The following SNX6 variants were observed in gnomAD, a reference collection of about 807,000 sequenced individuals.
SNX6 encodes sorting nexin 6.
A neutral mutation model predicts 63.0 loss-of-function variants in SNX6; 34 were observed. That is an observed-to-expected ratio of 0.54 (90% CI 0.41 to 0.72). The LOEUF is 0.72. SNX6 is among the 30% of genes least tolerant of loss of function. The pLI is 0.00. For synonymous variants in SNX6, 170 were observed against 164.2 expected, an observed-to-expected ratio of 1.04 and a Z score of -0.27; for missense variants, 398 against 471.4, an observed-to-expected ratio of 0.84 and a Z score of 1.44.
chr14:34,629,135 T>C (rs1408381227), intron 2 of SNX6, among the ~76,000 whole-genome samples: 2 of 141,560 alleles, frequency 1.4e-5, no homozygotes, highest in Non-Finnish European at 1.6e-5. Context: ...TCAAATGTTC[T>C]CACACAAAAA....
At chr14:34,593,243 G>T in intron 7 of SNX6, 93 bp from the exon 8 acceptor site, 1 of 738,986 alleles carries the variant, frequency 1.4e-6, no homozygotes. Context: ...AAGATCATCA[G>T]TAAAATAGCA....
intron 2 of SNX6, among the ~76,000 whole-genome samples, chr14:34,629,087 G>A (rs978707338): frequency 1.3e-5 from 2 of 151,528 alleles, no homozygotes; most frequent in Non-Finnish European, 2.9e-5. Flanking sequence ...GAGCGTCGAT[G>A]TTGGTCAAAG....
At chr14:34,589,778 T>C (rs1274827053) in intron 8 of SNX6, among the ~76,000 whole-genome samples, 1 of 151,642 alleles carries the variant, frequency 6.6e-6, no homozygotes, top group Non-Finnish European at 1.5e-5. Flanking sequence ...TGAGCCAAGA[T>C]TGTGCCACTG....
At chr14:34,598,983 G>A (rs1282708179) in intron 6 of SNX6, among the ~76,000 whole-genome samples, 4 of 152,102 alleles carry the variant, frequency 2.6e-5, no homozygotes, top group South Asian at 2.1e-4. Context: ...AGAGGCTGAG[G>A]GAATGTTACC....
intron 2 of SNX6, among the ~76,000 whole-genome samples, chr14:34,611,777 G>A (rs1222860316): frequency 7.0e-6 from 1 of 142,808 alleles, no homozygotes; most frequent in Non-Finnish European, 1.5e-5. Flanking sequence ...AGAGAAATCT[G>A]TTCCCTTTTT....
chr14:34,610,020 T>C (rs1883163988), intron 2 of SNX6, among the ~76,000 whole-genome samples: 1 of 152,030 alleles, frequency 6.6e-6, no homozygotes, highest in South Asian at 2.1e-4. Context: ...CATGATTTAT[T>C]ATAGTTTAGT....
chr14:34,586,179 G>A, intron 9 of SNX6, 51 bp downstream of exon 9: 2 of 1,212,712 alleles, frequency 1.6e-6, no homozygotes, highest in Non-Finnish European at 1.2e-6. Flanking sequence ...GGGATTACAG[G>A]CGTGAGCCAC....
chr14:34,574,619 C>CAA (rs33959613), intron 11 of SNX6, among the ~76,000 whole-genome samples: 238 of 78,948 alleles, frequency 3.0e-3, no homozygotes, highest in Middle Eastern at 7.4e-3. Context: ...GACTCCATCT[C>CAA]AAAAAAAAAA....
chr14:34,627,470 G>GT (rs1883874627), intron 2 of SNX6, among the ~76,000 whole-genome samples: 1 of 151,820 alleles, frequency 6.6e-6, no homozygotes, highest in Non-Finnish European at 1.5e-5. Context: ...AAAAAAAATT[G>GT]TTTTTTCTTT....
intron 2 of SNX6, among the ~76,000 whole-genome samples, chr14:34,626,023 A>G (rs1260855475): frequency 6.6e-6 from 1 of 152,144 alleles, no homozygotes; most frequent in Non-Finnish European, 1.5e-5. Context: ...TCAGACTACT[A>G]ACTTAGTTTC....
At chr14:34,581,689 T>C in intron 9 of SNX6, 89 bp from the exon 10 acceptor site, 2 of 733,136 alleles carry the variant, frequency 2.7e-6, no homozygotes, top group South Asian at 3.7e-5. Context: ...ACCATATTAA[T>C]AACACCTTGT....
chr14:34,576,398 A>AAGAAC (rs1881702425), intron 10 of SNX6, among the ~76,000 whole-genome samples: 1 of 150,400 alleles, frequency 6.6e-6, no homozygotes, highest in Admixed American at 6.7e-5. Flanking sequence ...GAACAGAAAA[A>AAGAAC]AGATCAAATG....
intron 4 of SNX6, among the ~76,000 whole-genome samples, chr14:34,607,141 T>G (rs17102628): frequency 0.12 from 18,019 of 152,066 alleles, 1,998 homozygotes; most frequent in East Asian, 0.54. Context: ...ACAAGCCCAT[T>G]TCAATTCTAA....
chr14:34,568,144 ATTT>A (rs35123961), intron 11 of SNX6, 131 bp from the exon 12 acceptor site: 749 of 455,636 alleles, frequency 1.6e-3, no homozygotes, highest in South Asian at 2.8e-3. Context: ...AGTTACTCCA[ATTT>A]TTTTTTTTTT....
At chr14:34,600,392 T>TGGGATTACA (rs942440300) in intron 6 of SNX6, among the ~76,000 whole-genome samples, 10 of 151,906 alleles carry the variant, frequency 6.6e-5, no homozygotes, top group African/African-American at 1.9e-4. Flanking sequence ...TCCCAAGTGT[T>TGGGATTACA]GGGATTACAG....
intron 2 of SNX6, among the ~76,000 whole-genome samples, chr14:34,627,926 T>C (rs1883892199): frequency 6.6e-6 from 1 of 152,206 alleles, no homozygotes; most frequent in South Asian, 2.1e-4. Flanking sequence ...TGGCCGAAAC[T>C]AAAAATCTTA....
At chr14:34,606,694 C>T (rs1883034453) in intron 4 of SNX6, among the ~76,000 whole-genome samples, 2 of 152,116 alleles carry the variant, frequency 1.3e-5, no homozygotes, top group South Asian at 2.1e-4. Context: ...TCAGATGATC[C>T]ACCCGCCTCG....
At position 34,630,109 on chromosome 14, in the gene SNX6, A is replaced by C; in HGVS notation, c.6+2T>G. Reference sequence around the variant, plus strand: ...GGACTCGGCGCCGCGGAGAACACCCACCATCATGGCTGCTCCGAGGCGAGG... The same window carrying C: ...GGACTCGGCGCCGCGGAGAACACCCCCCATCATGGCTGCTCCGAGGCGAGG... On this transcript the variant is annotated splice_donor_variant, in intron 1 of 13. Transcript: ENST00000362031. LOFTEE classifies it high-confidence loss of function. 7.0e-7 allele frequency: 1 copy of C among 1,438,088 alleles called. No homozygotes were observed. Among genetic ancestry groups the C allele is most frequent in the Non-Finnish European group, 9.0e-7 (1 of 1,106,918 alleles). 89.1% of individuals were successfully genotyped at this position (1,438,088 alleles called of 1,614,324 possible).
chr14:34,596,054 CT>C (rs1434036399), intron 7 of SNX6, among the ~76,000 whole-genome samples: 1 of 151,444 alleles, frequency 6.6e-6, no homozygotes, highest in East Asian at 2.0e-4. Flanking sequence ...CCCATCTGTA[CT>C]AAAAATACAA....
Sources: gnomAD v4.1 joint callset for allele counts (sites outside exome capture counted in the v4.1 genomes callset) on GRCh38, gnomAD v4.1.1 for gene constraint, MANE v1.5 for transcripts, NCBI Gene and HGNC (gene_info 2026-07-23, HGNC 2026-07-21) for gene names.